SMARCA2: variants seen among roughly 807,000 people sequenced by gnomAD.
SMARCA2 encodes the protein SWI/SNF related BAF chromatin remodeling complex subunit ATPase 2, also known as SWI/SNF-related matrix-associated actin-dependent regulator of chromatin subfamily A member 2.
In SMARCA2, 61 loss-of-function variants were observed where a neutral mutation model predicts 199.8. The observed-to-expected ratio is 0.31, with a 90% confidence interval of 0.25 to 0.38. The LOEUF is 0.38. Ranked by LOEUF, SMARCA2 falls within the 10% of genes least tolerant of loss-of-function variation. SMARCA2 has a pLI of 1.00. For synonymous variants in SMARCA2, 935 were observed against 732.0 expected (o/e 1.28, Z -4.48); for missense variants, 1,344 against 2,012.2 (o/e 0.67, Z 6.35).
intron 9 of SMARCA2, among the ~76,000 whole-genome samples, chr9:2,065,169 A>T (rs935655556): frequency 6.6e-6 from 1 of 152,138 alleles, no homozygotes; most frequent in African/African-American, 2.4e-5. Flanking sequence ...TGGGCGACAG[A>T]GCGAGACTCT....
intron 33 of SMARCA2, chr9:2,191,656 TC>T (rs1453353357): frequency 4.5e-5 from 16 of 351,694 alleles, no homozygotes; most frequent in Non-Finnish European, 8.3e-5. Context: ...AGCTTCCCTT[TC>T]CCCCTTTTTA....
chr9:2,027,371 G>A (rs1818878073), intron 1 of SMARCA2, among the ~76,000 whole-genome samples: 1 of 152,136 alleles, frequency 6.6e-6, no homozygotes, highest in Non-Finnish European at 1.5e-5. Context: ...GAGCCTAGGA[G>A]TTTGAGGCTT....
rs115698900 is a variant in SMARCA2, at chr9:2,186,370, C to T, written c.4594+142C>T. 1.9e-4 allele frequency: 154 copies of T among 812,346 alleles called. No individual in the cohort carries two copies. In the East Asian group the frequency reaches 2.0e-3, roughly 11 times the overall value. 50.3% of individuals were successfully genotyped at this position (812,346 alleles called of 1,614,324 possible). A position where few individuals can be genotyped will look rare whatever the true frequency, so the allele number is the denominator to read the frequency against. The stretch of plus-strand genomic sequence containing the variant: ...TTCCACTTTGTCCTTGCTGGGCAAC[C>T]GGTGGCCATGTCCTTATCCCTGCTC... On this transcript the variant is annotated intron_variant, in intron 32 of 33. Transcript: ENST00000349721.
intron 9 of SMARCA2, among the ~76,000 whole-genome samples, chr9:2,065,907 C>T (rs12337779): frequency 7.9e-5 from 12 of 152,104 alleles, no homozygotes; most frequent in South Asian, 2.1e-4. Context: ...CCAGAAGTTT[C>T]GAGAAAAGTC....
In SMARCA2 at chr9:2,058,102, A is replaced by G. The variant is rs1820434142; in HGVS notation, c.1348-189A>G. The G allele has an allele frequency of 3.2e-5, 18 of 554,006 alleles. No individual in the cohort carries two copies. The South Asian group carries it at 4.3e-4, about 13-fold the overall frequency. The allele number at this position is 554,006 out of a possible 1,614,324, so 34.3% of individuals were successfully genotyped here. ...ACAACAAAAGGAACCCGAAGAGGCT[A>G]TCTTTCCCACCAGCCCCATGGCCCA... On this transcript the variant is annotated intron_variant, in intron 7 of 33. Transcript: ENST00000349721.
At chr9:2,184,924 C>G (rs113118107) in intron 31 of SMARCA2, among the ~76,000 whole-genome samples, 47 of 152,192 alleles carry the variant, frequency 3.1e-4, no homozygotes, top group African/African-American at 1.1e-3. Context: ...TTGGTGCAAA[C>G]TGCAATTTGC....
intron 29 of SMARCA2, among the ~76,000 whole-genome samples, chr9:2,175,838 C>T (rs77224225): frequency 0.012 from 1,892 of 152,094 alleles, 37 homozygotes; most frequent in African/African-American, 0.043. Flanking sequence ...AGTTGTACTG[C>T]ACTACAATTT....
At chr9:2,065,907 C>G (rs12337779) in intron 9 of SMARCA2, among the ~76,000 whole-genome samples, 7,389 of 152,206 alleles carry the variant, frequency 0.049, 602 homozygotes, top group African/African-American at 0.17. Flanking sequence ...CCAGAAGTTT[C>G]GAGAAAAGTC....
intron 28 of SMARCA2, among the ~76,000 whole-genome samples, chr9:2,167,042 A>T (rs954056160): frequency 2.6e-5 from 4 of 152,256 alleles, no homozygotes; most frequent in Non-Finnish European, 5.9e-5. Context: ...ACCAAGGGTC[A>T]ACATGAAGTG....
intron 14 of SMARCA2, among the ~76,000 whole-genome samples, chr9:2,078,244 G>A (rs1307615096): frequency 6.6e-6 from 1 of 152,104 alleles, no homozygotes; most frequent in Non-Finnish European, 1.5e-5. Context: ...GGCTGAGGTG[G>A]GTGGATCACT....
intron 32 of SMARCA2, 123 bp from the exon 33 acceptor site, chr9:2,191,143 C>T (rs923233747): frequency 3.2e-6 from 3 of 925,408 alleles, no homozygotes; most frequent in African/African-American, 3.3e-5. Flanking sequence ...AGGCATAAAC[C>T]GGGAATGTTC....
chr9:2,059,416 T>C (rs1183263993), intron 8 of SMARCA2, among the ~76,000 whole-genome samples: 1 of 152,188 alleles, frequency 6.6e-6, no homozygotes, highest in African/African-American at 2.4e-5. Context: ...TACCCTATCC[T>C]GCCTCCCTCT....
At chr9:2,085,268 C>T (rs746702753) in intron 17 of SMARCA2, among the ~76,000 whole-genome samples, 12 of 152,152 alleles carry the variant, frequency 7.9e-5, no homozygotes, top group Non-Finnish European at 1.3e-4. Context: ...TGTGTTTGTA[C>T]ATTTGAGATC....
chr9:2,058,585 A>C (rs973400259), intron 8 of SMARCA2, 121 bp downstream of exon 8: 76 of 823,578 alleles, frequency 9.2e-5, no homozygotes, highest in Non-Finnish European at 1.3e-4. Flanking sequence ...AATTTTAGTA[A>C]ATTTCTTTGA....
intron 23 of SMARCA2, among the ~76,000 whole-genome samples, chr9:2,109,237 T>A (rs1822884766): frequency 6.6e-6 from 1 of 152,214 alleles, no homozygotes. Flanking sequence ...GACTGTCATG[T>A]AACATGCATA....
At chr9:2,180,686 A>G (rs1374884789) in intron 29 of SMARCA2, among the ~76,000 whole-genome samples, 1 of 152,258 alleles carries the variant, frequency 6.6e-6, no homozygotes, top group Non-Finnish European at 1.5e-5. Flanking sequence ...TAGGATCTTG[A>G]ACCTAAATTG....
In SMARCA2 at chr9:2,047,313, CCGCAGCCG is replaced by C; in HGVS notation, c.885_892del (p.Gln296ArgfsTer59). Reference sequence around the variant, plus strand: ...GGCGGCCGGCCCTCGCCCGCGCCCCCCGCAGCCGCGCAGCCGCCCGCGGCCGCAGTGCC... The same window carrying C: ...GGCGGCCGGCCCTCGCCCGCGCCCCCCGCAGCCGCCCGCGGCCGCAGTGCC... On this transcript the variant is annotated frameshift_variant, in exon 5 of 34. Transcript: ENST00000349721. LOFTEE classifies it high-confidence loss of function. The C allele has an allele frequency of 9.8e-7, 1 of 1,022,942 alleles. No individual in the cohort carries two copies. Among genetic ancestry groups the C allele is most frequent in the Non-Finnish European group, 1.2e-6 (1 of 849,698 alleles). The allele number at this position is 1,022,942 out of a possible 1,614,324, so 63.4% of individuals were successfully genotyped here. A position where few individuals can be genotyped will look rare whatever the true frequency, so the allele number is the denominator to read the frequency against.
chr9:2,084,037 C>T, intron 16 of SMARCA2, 49 bp from the exon 17 acceptor site: 9 of 964,874 alleles, frequency 9.3e-6, no homozygotes, highest in Non-Finnish European at 1.5e-5. Flanking sequence ...AGAAATAATG[C>T]ACATATATGT....
intron 31 of SMARCA2, among the ~76,000 whole-genome samples, chr9:2,185,664 G>A (rs553123463): frequency 6.6e-6 from 1 of 152,296 alleles, no homozygotes; most frequent in African/African-American, 2.4e-5. Context: ...AGTGTTGATT[G>A]GATAAGTGTT....
Sources: allele counts gnomAD v4.1 joint callset (sites outside exome capture counted in the v4.1 genomes callset), GRCh38; gene constraint gnomAD v4.1.1; transcripts MANE v1.5; gene names NCBI Gene and HGNC (gene_info 2026-07-23, HGNC 2026-07-21).